The following OTUD7A variants were observed in gnomAD, a reference collection of about 807,000 sequenced individuals.
OTUD7A encodes the protein OTU deubiquitinase 7A.
Under a neutral mutation model 65.7 loss-of-function variants are expected in OTUD7A, and 12 were observed. The ratio of observed to expected loss-of-function variants is 0.18; its 90% CI spans 0.12 to 0.30. The LOEUF (loss-of-function observed/expected upper bound fraction) is 0.30. OTUD7A is among the 10% of genes least tolerant of loss of function. OTUD7A has a pLI of 1.00. For synonymous variants in OTUD7A, 641 were observed against 586.3 expected (o/e 1.09, Z -1.35); for missense variants, 1,148 against 1,304.8 (o/e 0.88, Z 1.85).
intron 3 of OTUD7A, among the ~76,000 whole-genome samples, chr15:31,610,465 T>C (rs913213138): frequency 1.3e-5 from 2 of 151,508 alleles, no homozygotes; most frequent in African/African-American, 4.9e-5. Context: ...ACTTAACAGA[T>C]ATATACAGAA....
At chr15:31,680,369 T>C (rs779278767) in intron 1 of OTUD7A, among the ~76,000 whole-genome samples, 5 of 152,318 alleles carry the variant, frequency 3.3e-5, no homozygotes, top group African/African-American at 1.2e-4. Context: ...ACAGCATAGC[T>C]GGAAATGTAA....
rs2041182976 is a variant in OTUD7A, at chr15:31,483,890, G to A, written c.2206C>T (p.Pro736Ser). 2 of 1,000,146 alleles carry A rather than the reference G, an allele frequency of 2.0e-6. No individual in the cohort carries two copies. The highest frequency in any genetic ancestry group is 1.2e-6 in the Non-Finnish European group (1 of 841,410). 62.0% of individuals were successfully genotyped at this position (1,000,146 alleles called of 1,614,324 possible). ...GCCCGCGCCGCACGCCCTGCCGCGGGCCCGGGGCTCGGCCGCTCCTTGAGC... is the reference window on the plus strand; with the variant it reads ...GCCCGCGCCGCACGCCCTGCCGCGGACCCGGGGCTCGGCCGCTCCTTGAGC... ...LKLKERPSPG[P>S]AAGRAARAAA... is the part of the protein sequence containing the mutation. Residue 736 changes from proline (P) to serine (S), a missense_variant, in exon 13 of 13, where the codon CCC (proline) becomes TCC (serine). This residue lies in a region of OTUD7A where 842 missense variants were observed against 769.5 expected (regional missense o/e 1.09). Coordinates refer to ENST00000307050, the MANE Select transcript of OTUD7A (RefSeq NM_001382637.1).
intron 1 of OTUD7A, among the ~76,000 whole-genome samples, chr15:31,869,603 G>T (rs933075480): frequency 1.3e-5 from 2 of 152,174 alleles, no homozygotes; most frequent in East Asian, 3.8e-4. Context: ...CCTGATCGGG[G>T]TCTCACAAGT....
chr15:31,824,802 C>T (rs960627305), intron 1 of OTUD7A, among the ~76,000 whole-genome samples: 2 of 152,150 alleles, frequency 1.3e-5, no homozygotes, highest in Admixed American at 1.3e-4. Flanking sequence ...CAAGGTTTGC[C>T]ACCCATTTAT....
intron 1 of OTUD7A, among the ~76,000 whole-genome samples, chr15:31,854,231 C>T (rs1324771633): frequency 1.3e-5 from 2 of 152,174 alleles, no homozygotes; most frequent in African/African-American, 2.4e-5. Context: ...CCAGGAAACA[C>T]ATCACTCTGA....
At position 31,482,886 on chromosome 15, in the gene OTUD7A, G is replaced by A. The variant is rs2041149477; in HGVS notation, c.*408C>T. On this transcript the variant is annotated 3_prime_UTR_variant, in exon 13 of 13. Coordinates refer to ENST00000307050, the MANE Select transcript of OTUD7A (RefSeq NM_001382637.1). ...CTGGGTACTACCAACCGCGCACAAGGGACCGCTACCTGGAAGAGGTCATCG... is the reference window on the plus strand; with the variant it reads ...CTGGGTACTACCAACCGCGCACAAGAGACCGCTACCTGGAAGAGGTCATCG... 6.6e-6 allele frequency: 1 copy of A among 151,612 alleles called. No individual in the cohort carries two copies. Among genetic ancestry groups the A allele is most frequent in the Non-Finnish European group, 1.5e-5 (1 of 67,950 alleles). The allele number at this position is 151,612 out of a possible 1,614,324, so 9.4% of individuals were successfully genotyped here.
chr15:31,718,338 T>A (rs1893647924), intron 1 of OTUD7A, among the ~76,000 whole-genome samples: 3 of 152,212 alleles, frequency 2.0e-5, no homozygotes, highest in South Asian at 4.1e-4. Context: ...TTGGTGGTCA[T>A]CAAATGGTGA....
chr15:31,539,838 G>A (rs776044777), intron 5 of OTUD7A, among the ~76,000 whole-genome samples: 11 of 152,154 alleles, frequency 7.2e-5, no homozygotes, highest in Non-Finnish European at 1.6e-4. Context: ...TTTGGTGCAA[G>A]ATATATAAAT....
intron 1 of OTUD7A, among the ~76,000 whole-genome samples, chr15:31,814,053 T>C (rs1267797042): frequency 1.3e-5 from 2 of 152,176 alleles, no homozygotes; most frequent in African/African-American, 2.4e-5. Flanking sequence ...TAGGTCACCA[T>C]GGGGTAACAA....
At chr15:31,525,450 A>G (rs1286646454) in intron 8 of OTUD7A, among the ~76,000 whole-genome samples, 1 of 152,146 alleles carries the variant, frequency 6.6e-6, no homozygotes, top group African/African-American at 2.4e-5. Flanking sequence ...GCTCTGTGGG[A>G]GCCTCTTTTC....
At position 31,613,946 on chromosome 15, in the gene OTUD7A, T is replaced by G. The variant is rs540808066; in HGVS notation, c.151+41150A>C. ...AAACTGTGGTGTATATATATATGTATACACAATGGAATATTACTCAGCCAT... is the reference window on the plus strand; with the variant it reads ...AAACTGTGGTGTATATATATATGTAGACACAATGGAATATTACTCAGCCAT... On this transcript the variant is annotated intron_variant, in intron 3 of 12. Transcript: ENST00000307050. 8.4e-4 allele frequency among the ~76,000 whole-genome samples: 128 copies of G among 152,254 alleles called. 2 individuals are homozygous for G. The South Asian group carries it at 0.026, about 30-fold the overall frequency.
chr15:31,816,687 C>CA (rs879438355), intron 1 of OTUD7A, among the ~76,000 whole-genome samples: 3,138 of 131,962 alleles, frequency 0.024, 73 homozygotes, highest in African/African-American at 0.063. Context: ...GACTCCGTCT[C>CA]AAAAAAAAAA....
At chr15:31,672,688 T>C (rs190738930) in intron 1 of OTUD7A, among the ~76,000 whole-genome samples, 98 of 152,354 alleles carry the variant, frequency 6.4e-4, no homozygotes, top group Non-Finnish European at 1.2e-3. Flanking sequence ...GAACGGGGTG[T>C]CTTCAAAAGG....
At chr15:31,831,911 T>C (rs1207229145) in intron 1 of OTUD7A, among the ~76,000 whole-genome samples, 1 of 152,228 alleles carries the variant, frequency 6.6e-6, no homozygotes, top group African/African-American at 2.4e-5. Context: ...AGTTCTAGAA[T>C]AGGCAAAATT....
At position 31,503,638 on chromosome 15, in the gene OTUD7A, G is replaced by C. The variant is rs1197943631; in HGVS notation, c.1021+53C>G. 5 of 1,610,818 alleles carry C rather than the reference G, an allele frequency of 3.1e-6. No individual in the cohort carries two copies. The Admixed American group carries it at 8.3e-5, about 27-fold the overall frequency. The stretch of plus-strand genomic sequence containing the variant: ...TGCTGTGCTATCTGCTTTCTAGCTG[G>C]GATGCTATGCTTTCTGTGTCATGAA... On this transcript the variant is annotated intron_variant, in intron 9 of 12. Transcript: ENST00000307050.
intron 1 of OTUD7A, among the ~76,000 whole-genome samples, chr15:31,734,361 A>AT (rs929254494): frequency 3.9e-5 from 6 of 152,240 alleles, no homozygotes; most frequent in Admixed American, 2.0e-4. Context: ...TGCTATTCCT[A>AT]TTAAACTACC....
chr15:31,828,165 T>C (rs1439487936), intron 1 of OTUD7A, among the ~76,000 whole-genome samples: 1 of 152,236 alleles, frequency 6.6e-6, no homozygotes, highest in Non-Finnish European at 1.5e-5. Context: ...CTTCCTCCTA[T>C]GCTTAAATTC....
chr15:31,570,654 T>A (rs890344069), intron 3 of OTUD7A, among the ~76,000 whole-genome samples: 7 of 152,206 alleles, frequency 4.6e-5, no homozygotes, highest in Non-Finnish European at 1.0e-4. Flanking sequence ...AAGCTTAATA[T>A]GAGCGAAGCA....
At position 31,580,859 on chromosome 15, in the gene OTUD7A, T is replaced by A. The variant is rs180976564; in HGVS notation, c.152-10662A>T. On this transcript the variant is annotated intron_variant, in intron 3 of 12. Transcript: ENST00000307050. ...TGGGTGAGGACACAGCCAAACCATA[T>A]AATTCCACCCCCGGCCCCTCCCAAA... Among the ~76,000 whole-genome samples the A allele has an allele frequency of 5.2e-3, 789 of 152,178 alleles. 13 individuals carry two copies. Among genetic ancestry groups the A allele is most frequent in the Admixed American group, 0.037 (567 of 15,290 alleles).
Sources: gnomAD v4.1 joint callset for allele counts (sites outside exome capture counted in the v4.1 genomes callset) on GRCh38, gnomAD v4.1.1 for gene constraint, gnomAD v4.1.1 regional missense constraint, MANE v1.5 for transcripts, NCBI Gene and HGNC (gene_info 2026-07-23, HGNC 2026-07-21) for gene names.